The following ADGRV1 variants were observed in gnomAD, a reference collection of about 807,000 sequenced individuals.
ADGRV1 encodes the protein G-protein coupled receptor 98.
Under a neutral mutation model 596.2 loss-of-function variants are expected in ADGRV1, and 359 were observed. That is an observed-to-expected ratio of 0.60 (90% CI 0.55 to 0.66). ADGRV1 has a LOEUF of 0.66. ADGRV1 is among the 30% of genes least tolerant of loss of function. ADGRV1 has a pLI of 0.00. For synonymous variants in ADGRV1, 2,681 were observed against 2,679.2 expected (o/e 1.00, Z -0.02); for missense variants, 7,274 against 7,575.6 (o/e 0.96, Z 1.48).
At chr5:90,842,090 A>G (rs1765482029) in intron 78 of ADGRV1, among the ~76,000 whole-genome samples, 1 of 152,224 alleles carries the variant, frequency 6.6e-6, no homozygotes, top group Non-Finnish European at 1.5e-5. Context: ...ATTACATTTT[A>G]GGGAAGGAAA....
chr5:90,878,329 C>T (rs771744909), intron 83 of ADGRV1, among the ~76,000 whole-genome samples: 22 of 152,160 alleles, frequency 1.4e-4, no homozygotes, highest in Non-Finnish European at 1.6e-4. Flanking sequence ...TTATGTCTAA[C>T]GCACACTGCC....
intron 21 of ADGRV1, among the ~76,000 whole-genome samples, chr5:90,665,008 G>A (rs550140412): frequency 1.4e-4 from 21 of 151,794 alleles, no homozygotes; most frequent in Non-Finnish European, 2.2e-4. Flanking sequence ...TGCTGGATTC[G>A]GTTTGCCAGT....
chr5:90,802,393 T>C, intron 70 of ADGRV1, among the ~76,000 whole-genome samples: 1 of 152,032 alleles, frequency 6.6e-6, no homozygotes, highest in East Asian at 1.9e-4. Flanking sequence ...TTTTTATTTT[T>C]ATTTTTTATT....
At chr5:90,976,332 A>G (rs1370552043) in intron 84 of ADGRV1, among the ~76,000 whole-genome samples, 16 of 144,902 alleles carry the variant, frequency 1.1e-4, no homozygotes, top group Non-Finnish European at 2.3e-4. Context: ...GTATATATAT[A>G]TATATATATA....
At position 90,707,069 on chromosome 5, in the gene ADGRV1, T is replaced by C. The variant is rs187106515; in HGVS notation, c.8730+675T>C. 4.1e-3 allele frequency among the ~76,000 whole-genome samples: 621 copies of C among 152,168 alleles called. 8 individuals carry two copies. The highest frequency in any genetic ancestry group is 0.031 in the South Asian group (148 of 4,814). On this transcript the variant is annotated intron_variant, in intron 38 of 89. Coordinates refer to ENST00000405460, the MANE Select transcript of ADGRV1 (RefSeq NM_032119.4). ...AGGATTCTTTGGACCAGAAAATCCG[T>C]GTATGTCAGAATCTTTGTTGGTAGT... is the stretch of plus-strand genomic sequence containing the variant.
chr5:90,813,167 T>TAAAAAAAAAAAAAA (rs1561786626), intron 74 of ADGRV1, among the ~76,000 whole-genome samples: 1 of 104,330 alleles, frequency 9.6e-6, no homozygotes, highest in Non-Finnish European at 1.9e-5. Flanking sequence ...AAAAAAAATT[T>TAAAAAAAAAAAAAA]ATTTGGCAGT....
At chr5:90,945,981 C>T (rs1020208369) in intron 83 of ADGRV1, among the ~76,000 whole-genome samples, 11 of 118,704 alleles carry the variant, frequency 9.3e-5, no homozygotes, top group African/African-American at 3.1e-4. Context: ...GACCCTTTCT[C>T]AAAAAAAAGA....
Position 90,783,822 on chromosome 5 carries a change from C to A in ADGRV1, c.13434-16C>A, listed in dbSNP as rs202058949. On this transcript the variant is annotated splice_polypyrimidine_tract_variant and intron_variant, in intron 66 of 89. Coordinates refer to ENST00000405460, the MANE Select transcript of ADGRV1 (RefSeq NM_032119.4). ...ATATGTTTAGACTCACAGAATTGCT[C>A]CTTCTTGCCATGCAGTGAATTTGAG... The A allele has an allele frequency of 1.9e-6, 3 of 1,573,872 alleles. No homozygotes were observed. Among genetic ancestry groups the A allele is most frequent in the East Asian group, 4.5e-5 (2 of 44,096 alleles).
Position 91,024,698 on chromosome 5 carries a change from C to T in ADGRV1, c.18152+39176C>T, listed in dbSNP as rs558433840. 1.8e-4 allele frequency among the ~76,000 whole-genome samples: 28 copies of T among 152,240 alleles called. No individual in the cohort carries two copies. The South Asian group carries it at 5.8e-3, about 32-fold the overall frequency. On this transcript the variant is annotated intron_variant, in intron 85 of 89. Coordinates refer to ENST00000405460, the MANE Select transcript of ADGRV1 (RefSeq NM_032119.4). ...TGTTCTCTCAGAATACAAACTACAGCATGAGCGTTCTCCATAGGGTTTAGA... is the reference window on the plus strand; with the variant it reads ...TGTTCTCTCAGAATACAAACTACAGTATGAGCGTTCTCCATAGGGTTTAGA...
At chr5:90,596,826 A>AGAGGGC (rs369770188) in intron 1 of ADGRV1, among the ~76,000 whole-genome samples, 2,329 of 147,812 alleles carry the variant, frequency 0.016, 49 homozygotes, top group African/African-American at 0.054. Context: ...AGGGCGAGGG[A>AGAGGGC]GAGGGCGAGG....
At chr5:90,752,445 T>G (rs1462044531) in intron 53 of ADGRV1, among the ~76,000 whole-genome samples, 1 of 152,160 alleles carries the variant, frequency 6.6e-6, no homozygotes, top group Non-Finnish European at 1.5e-5. Flanking sequence ...ATCCTCTCCC[T>G]TCTTCCACCT....
In ADGRV1 at chr5:90,645,950, G is replaced by T; in HGVS notation, c.2899-18G>T. 6.4e-7 allele frequency: 1 copy of T among 1,570,642 alleles called. No individual in the cohort carries two copies. The highest frequency in any genetic ancestry group is 1.4e-5 in the African/African-American group (1 of 73,826). The stretch of plus-strand genomic sequence containing the variant: ...ATGTATAAGTCACCTGACTTAAAAC[G>T]TGTAACATTTTCCAAAGATTCCAGA... On this transcript the variant is annotated intron_variant, in intron 15 of 89. Coordinates refer to ENST00000405460, the MANE Select transcript of ADGRV1 (RefSeq NM_032119.4).
At chr5:90,622,155 T>G (rs1764168595) in intron 4 of ADGRV1, among the ~76,000 whole-genome samples, 1 of 152,210 alleles carries the variant, frequency 6.6e-6, no homozygotes, top group Non-Finnish European at 1.5e-5. Context: ...TAGCAGTGTC[T>G]GCTTTTCACT....
At chr5:90,747,008 A>G (rs578021743) in intron 52 of ADGRV1, among the ~76,000 whole-genome samples, 1 of 152,314 alleles carries the variant, frequency 6.6e-6, no homozygotes, top group South Asian at 2.1e-4. Context: ...TCTGATGGTG[A>G]TGAGTGTACT....
rs1208189253 is a variant in ADGRV1, at chr5:90,810,358, T to C, written c.15098T>C (p.Phe5033Ser). The C allele has an allele frequency of 6.2e-6, 10 of 1,613,436 alleles. No individual in the cohort carries two copies. Among genetic ancestry groups the C allele is most frequent in the Non-Finnish European group, 8.5e-6 (10 of 1,179,706 alleles). Residue 5033 changes from phenylalanine to serine, a missense_variant, in exon 74 of 90, where the codon TTC becomes TCC. This residue lies in a region of ADGRV1 where 1,874 missense variants were observed against 1,970.2 expected (regional missense o/e 0.95). Coordinates refer to ENST00000405460, the MANE Select transcript of ADGRV1 (RefSeq NM_032119.4). ...TTACATGTACAAAGACTATTTGGGT[T>C]CCACAGCGATCTTATTAAAGTTTCT... ...IRLHVQRLFG[F>S]HSDLIKVSYQ...
In ADGRV1 at chr5:90,652,450, G is replaced by C. The variant is rs776576004; in HGVS notation, c.3521G>C (p.Gly1174Ala). 6.2e-7 allele frequency: 1 copy of C among 1,613,368 alleles called. No individual in the cohort carries two copies. Among genetic ancestry groups the C allele is most frequent in the Non-Finnish European group, 8.5e-7 (1 of 1,179,502 alleles). Residue 1174 changes from glycine (G) to alanine (A), a missense_variant, in exon 19 of 90, where the codon GGA becomes GCA. Gly to Ala is a moderately conservative substitution (Grantham distance 60, BLOSUM62 0). Coordinates refer to ENST00000405460, the MANE Select transcript of ADGRV1 (RefSeq NM_032119.4). ...QPGQEFYETSGTVNFMDGEEA... is the reference protein window; with the variant it reads ...QPGQEFYETSATVNFMDGEEA... ...GGGCAGGAGTTCTATGAAACTTCAG[G>C]AACTGTTAACTTCATGGATGGAGAA... is the stretch of plus-strand genomic sequence containing the variant.
intron 77 of ADGRV1, among the ~76,000 whole-genome samples, chr5:90,831,870 C>A (rs1433947756): frequency 6.6e-6 from 1 of 152,166 alleles, no homozygotes; most frequent in Non-Finnish European, 1.5e-5. Flanking sequence ...AACATAATAA[C>A]CTCCAGTTCC....
At chr5:91,029,858 T>A (rs1289215817) in intron 85 of ADGRV1, among the ~76,000 whole-genome samples, 3 of 152,160 alleles carry the variant, frequency 2.0e-5, no homozygotes, top group South Asian at 2.1e-4. Context: ...CTCTTGATTT[T>A]AAAAAAATCA....
chr5:90,965,668 CAAAT>C (rs1778392507), intron 84 of ADGRV1, 137 bp downstream of exon 84: 1 of 518,058 alleles, frequency 1.9e-6, no homozygotes, highest in Admixed American at 3.3e-5. Context: ...ATATAAATGA[CAAAT>C]AAAAACACCC....
Sources: gnomAD v4.1 joint callset for allele counts (sites outside exome capture counted in the v4.1 genomes callset) on GRCh38, gnomAD v4.1.1 for gene constraint, gnomAD v4.1.1 regional missense constraint, MANE v1.5 for transcripts, NCBI Gene and HGNC (gene_info 2026-07-23, HGNC 2026-07-21) for gene names.